The following MARCHF3 variants were observed in gnomAD, a reference collection of about 807,000 sequenced individuals.
The protein encoded by MARCHF3 is E3 ubiquitin-protein ligase MARCHF3.
Under a neutral mutation model 24.2 loss-of-function variants are expected in MARCHF3, and 13 were observed. The ratio of observed to expected loss-of-function variants is 0.54; its 90% CI spans 0.35 to 0.85. The LOEUF (loss-of-function observed/expected upper bound fraction) is 0.85, where lower values mean the gene tolerates loss of function less well. Ranked by LOEUF, MARCHF3 falls within the 40% of genes least tolerant of loss-of-function variation. The pLI, the probability that MARCHF3 is intolerant of heterozygous loss-of-function variation, is 0.01. For synonymous variants in MARCHF3, 144 were observed against 137.3 expected (o/e 1.05, Z -0.34); for missense variants, 276 against 325.0 (o/e 0.85, Z 1.16).
intron 3 of MARCHF3, among the ~76,000 whole-genome samples, chr5:126,894,802 C>T (rs1388881232): frequency 6.6e-6 from 1 of 151,900 alleles, no homozygotes; most frequent in Non-Finnish European, 1.5e-5. Flanking sequence ...AGTTGCTCTT[C>T]TCGAGGAGTA....
At chr5:126,887,518 T>C (rs1486262689) in intron 3 of MARCHF3, among the ~76,000 whole-genome samples, 1 of 152,276 alleles carries the variant, frequency 6.6e-6, no homozygotes, top group Non-Finnish European at 1.5e-5. Flanking sequence ...AATATTTTGA[T>C]ACCTGTATTT....
intron 1 of MARCHF3, among the ~76,000 whole-genome samples, chr5:127,017,318 T>C (rs1282574467): frequency 6.6e-6 from 1 of 152,196 alleles, no homozygotes; most frequent in African/African-American, 2.4e-5. Context: ...TCTTCATTTT[T>C]AGAAGATATG....
At chr5:126,945,008 C>T (rs575748205) in intron 1 of MARCHF3, among the ~76,000 whole-genome samples, 2 of 152,150 alleles carry the variant, frequency 1.3e-5, no homozygotes, top group East Asian at 3.9e-4. Context: ...TTGCCTGCCC[C>T]TTCCTCCCTC....
intron 1 of MARCHF3, among the ~76,000 whole-genome samples, chr5:126,997,252 G>A (rs191042670): frequency 3.0e-3 from 464 of 152,202 alleles, no homozygotes; most frequent in Non-Finnish European, 5.3e-3. Flanking sequence ...TAGAGTACAC[G>A]GACAAGTTAA....
intron 1 of MARCHF3, among the ~76,000 whole-genome samples, chr5:127,023,877 C>G (rs577647798): frequency 1.3e-5 from 2 of 152,160 alleles, no homozygotes; most frequent in Non-Finnish European, 2.9e-5. Context: ...CACCATTTTG[C>G]TCTTCAAAGG....
At chr5:126,887,875 C>T (rs1252689720) in intron 3 of MARCHF3, among the ~76,000 whole-genome samples, 1 of 152,178 alleles carries the variant, frequency 6.6e-6, no homozygotes, top group Admixed American at 6.5e-5. Flanking sequence ...CCCAGTTCTT[C>T]TTTGCCACAA....
chr5:126,916,945 T>G (rs1357670806), intron 2 of MARCHF3, among the ~76,000 whole-genome samples: 1 of 152,184 alleles, frequency 6.6e-6, no homozygotes, highest in Non-Finnish European at 1.5e-5. Flanking sequence ...GGTTTTTCTA[T>G]TTTTTCCTTT....
At chr5:126,884,200 T>C (rs1311528689) in intron 3 of MARCHF3, among the ~76,000 whole-genome samples, 1 of 152,186 alleles carries the variant, frequency 6.6e-6, no homozygotes, top group Admixed American at 6.5e-5. Context: ...AAGATGAAAG[T>C]TGAAAATCAT....
rs1467374072 is a variant in MARCHF3 at position 126,969,394 on chromosome 5, G to A, written c.-56-51167C>T. ...TGGAAAGGTGTATATTACTATTTAGGTAAATGGTCAGCTTCTAGTATCAGC... is the reference window on the plus strand; with the variant it reads ...TGGAAAGGTGTATATTACTATTTAGATAAATGGTCAGCTTCTAGTATCAGC... On this transcript the variant is annotated intron_variant, in intron 1 of 4. Transcript: ENST00000308660. 2.0e-5 allele frequency among the ~76,000 whole-genome samples: 3 copies of A among 152,138 alleles called. No homozygotes were observed. The East Asian group carries it at 5.8e-4, about 29-fold the overall frequency.
At chr5:126,912,307 G>C (rs1459026269) in intron 3 of MARCHF3, among the ~76,000 whole-genome samples, 1 of 152,178 alleles carries the variant, frequency 6.6e-6, no homozygotes, top group African/African-American at 2.4e-5. Context: ...GGAAGTCTGA[G>C]GTGTTAAAAG....
chr5:127,002,122 A>C (rs912770485), intron 1 of MARCHF3, among the ~76,000 whole-genome samples: 13 of 152,080 alleles, frequency 8.5e-5, no homozygotes, highest in Non-Finnish European at 1.3e-4. Flanking sequence ...TAAAGAATGA[A>C]GCTGGGAAAC....
intron 3 of MARCHF3, among the ~76,000 whole-genome samples, chr5:126,881,956 T>C (rs1300265682): frequency 6.6e-6 from 1 of 152,138 alleles, no homozygotes; most frequent in African/African-American, 2.4e-5. Context: ...GCAAAACAGC[T>C]ATTACTGAGA....
chr5:126,996,190 TAGAGGAAAGAGCAGG>T (rs906802983), intron 1 of MARCHF3, among the ~76,000 whole-genome samples: 20 of 152,048 alleles, frequency 1.3e-4, no homozygotes, highest in South Asian at 4.1e-4. Context: ...TCTAAAGTTA[TAGAGGAAAGAGCAGG>T]AGAGGAAAGA....
At chr5:126,933,486 C>T (rs959532698) in intron 1 of MARCHF3, among the ~76,000 whole-genome samples, 40 of 151,170 alleles carry the variant, frequency 2.6e-4, no homozygotes, top group African/African-American at 9.0e-4. Flanking sequence ...GCTGTGTCGC[C>T]CAGGCTGGAA....
intron 1 of MARCHF3, among the ~76,000 whole-genome samples, chr5:126,926,850 T>C (rs770145456): frequency 6.6e-5 from 10 of 151,692 alleles, no homozygotes; most frequent in Non-Finnish European, 1.3e-4. Flanking sequence ...GTTAAGTCTG[T>C]AGAGCAACAG....
At chr5:126,961,810 C>A (rs1750646248) in intron 1 of MARCHF3, among the ~76,000 whole-genome samples, 1 of 152,088 alleles carries the variant, frequency 6.6e-6, no homozygotes, top group Non-Finnish European at 1.5e-5. Context: ...GCAACCGGCC[C>A]CCAGGCAGTC....
intron 1 of MARCHF3, among the ~76,000 whole-genome samples, chr5:126,953,166 C>T (rs1193613484): frequency 6.6e-6 from 1 of 152,118 alleles, no homozygotes; most frequent in Non-Finnish European, 1.5e-5. Context: ...CCAGGCAGTT[C>T]TAATTGCCTT....
chr5:126,942,182 A>G (rs1369394844), intron 1 of MARCHF3, among the ~76,000 whole-genome samples: 1 of 152,228 alleles, frequency 6.6e-6, no homozygotes, highest in Non-Finnish European at 1.5e-5. Context: ...TGGCCATCAT[A>G]GCATTTACTG....
At chr5:126,911,248 T>C (rs1208737971) in intron 3 of MARCHF3, among the ~76,000 whole-genome samples, 1 of 152,186 alleles carries the variant, frequency 6.6e-6, no homozygotes, top group African/African-American at 2.4e-5. Context: ...TTGTGAAGCA[T>C]GTGATCTCTG....
Sources: gnomAD v4.1 joint callset for allele counts (sites outside exome capture counted in the v4.1 genomes callset) on GRCh38, gnomAD v4.1.1 for gene constraint, MANE v1.5 for transcripts, NCBI Gene and HGNC (gene_info 2026-07-23, HGNC 2026-07-21) for gene names.